TOM1L2: variants seen among roughly 807,000 people sequenced by gnomAD.
TOM1L2 encodes TOM1-like protein 2.
TOM1L2 carries 31 observed loss-of-function variants against 67.9 expected under a neutral mutation model. The observed-to-expected ratio is 0.46, with a 90% CI of 0.34 to 0.62. The LOEUF (loss-of-function observed/expected upper bound fraction) is 0.62. Among genes scored for constraint, TOM1L2 ranks in the 20% least tolerant of loss-of-function variants. The pLI, the probability that TOM1L2 is intolerant of heterozygous loss-of-function variation, is 0.01. For missense variants in TOM1L2, 606 were observed against 663.5 expected (o/e 0.91, Z 0.95); for synonymous variants, 256 against 254.0 (o/e 1.01, Z -0.07).
chr17:17,873,540 C>T (rs192237814), intron 7 of TOM1L2, among the ~76,000 whole-genome samples: 102 of 152,310 alleles, frequency 6.7e-4, no homozygotes, highest in Non-Finnish European at 1.2e-3. Flanking sequence ...TAGAGGAGAA[C>T]CAAACCAGAT....
At chr17:17,905,968 A>C (rs1036128099) in intron 2 of TOM1L2, among the ~76,000 whole-genome samples, 1 of 151,816 alleles carries the variant, frequency 6.6e-6, no homozygotes, top group African/African-American at 2.4e-5. Flanking sequence ...TTCCTCAAAC[A>C]CATCAGACAC....
chr17:17,946,549 T>C (rs1359086758), intron 1 of TOM1L2, among the ~76,000 whole-genome samples: 1 of 152,226 alleles, frequency 6.6e-6, no homozygotes, highest in Non-Finnish European at 1.5e-5. Context: ...GTTAGGTTTC[T>C]TTCCCATCTC....
intron 1 of TOM1L2, among the ~76,000 whole-genome samples, chr17:17,926,949 A>G (rs1353638930): frequency 6.6e-6 from 1 of 152,248 alleles, no homozygotes; most frequent in African/African-American, 2.4e-5. Context: ...CTGTTTATAC[A>G]ATATTCAGGG....
In TOM1L2 at chr17:17,879,661, C is replaced by A. The variant is rs752374687; in HGVS notation, c.743G>T (p.Gly248Val). Residue 248 changes from glycine (G) to valine (V), a missense_variant, in exon 7 of 15, where the codon GGA becomes GTA. Physicochemically the swap from Gly to Val is moderately radical, Grantham distance 109. Transcript: ENST00000379504. ...CTCCAGATCAGATGAATCCTCCTGT[C>A]CAGGGACCATTTCTGTTAACATCTC... ...MSEMLTEMVP[G>V]QEDSSDLELL... is the part of the protein sequence containing the mutation. The A allele has an allele frequency of 3.5e-5, 57 of 1,614,070 alleles. No individual in the cohort carries two copies. Among genetic ancestry groups the A allele is most frequent in the Non-Finnish European group, 4.6e-5 (54 of 1,180,032 alleles).
intron 12 of TOM1L2, among the ~76,000 whole-genome samples, chr17:17,861,194 C>T (rs1051067184): frequency 8.5e-5 from 13 of 152,316 alleles, no homozygotes; most frequent in African/African-American, 2.9e-4. Flanking sequence ...CCCCAGCTTG[C>T]TGTCTGCTCT....
At chr17:17,876,015 T>C (rs2037406367) in intron 7 of TOM1L2, among the ~76,000 whole-genome samples, 1 of 152,218 alleles carries the variant, frequency 6.6e-6, no homozygotes, top group Admixed American at 6.5e-5. Context: ...TCTGTTATTA[T>C]CTTATGCTGA....
chr17:17,937,902 T>A (rs1005143724), intron 1 of TOM1L2, among the ~76,000 whole-genome samples: 4 of 152,200 alleles, frequency 2.6e-5, no homozygotes, highest in African/African-American at 4.8e-5. Flanking sequence ...GTCTCCTTCA[T>A]GTCTCACCAG....
At chr17:17,893,945 G>T in intron 3 of TOM1L2, 135 bp from the exon 4 acceptor site, 1 of 811,228 alleles carries the variant, frequency 1.2e-6, no homozygotes, top group Non-Finnish European at 1.9e-6. Flanking sequence ...GTCTCCTCCA[G>T]AGCCAAACCT....
chr17:17,927,418 C>G (rs1193745908), intron 1 of TOM1L2, among the ~76,000 whole-genome samples: 2 of 152,166 alleles, frequency 1.3e-5, no homozygotes, highest in Admixed American at 1.3e-4. Context: ...TTCTTTCCCT[C>G]CATCTCTTTC....
intron 7 of TOM1L2, among the ~76,000 whole-genome samples, chr17:17,876,437 G>A (rs2143958329): frequency 6.6e-6 from 1 of 152,328 alleles, no homozygotes; most frequent in Middle Eastern, 3.4e-3. Flanking sequence ...ACTGTGCAGT[G>A]GGTGGGGCTT....
At chr17:17,866,623 G>A (rs1308312144) in intron 9 of TOM1L2, among the ~76,000 whole-genome samples, 4 of 152,136 alleles carry the variant, frequency 2.6e-5, no homozygotes, top group South Asian at 2.1e-4. Context: ...CCTCCTCCCC[G>A]TCCCCACTAG....
At chr17:17,921,071 G>A (rs1376912273) in intron 1 of TOM1L2, among the ~76,000 whole-genome samples, 3 of 152,106 alleles carry the variant, frequency 2.0e-5, no homozygotes, top group Non-Finnish European at 2.9e-5. Context: ...CTCATGATCC[G>A]ATCCAGAATA....
intron 4 of TOM1L2, among the ~76,000 whole-genome samples, chr17:17,893,123 G>T (rs143313370): frequency 4.6e-5 from 7 of 152,332 alleles, no homozygotes; most frequent in Admixed American, 1.3e-4. Flanking sequence ...ACCCAAATAT[G>T]CCAACTGCTC....
intron 1 of TOM1L2, among the ~76,000 whole-genome samples, chr17:17,971,129 C>T (rs2042058420): frequency 6.6e-6 from 1 of 152,136 alleles, no homozygotes; most frequent in South Asian, 2.1e-4. Flanking sequence ...TGCTGAGTAC[C>T]ATTCTCTCTA....
intron 1 of TOM1L2, among the ~76,000 whole-genome samples, chr17:17,909,143 T>C (rs1271245091): frequency 6.6e-6 from 1 of 152,182 alleles, no homozygotes; most frequent in African/African-American, 2.4e-5. Flanking sequence ...TTCATGTCAC[T>C]GCATTCCAAC....
At chr17:17,874,042 G>A (rs367792902) in intron 7 of TOM1L2, among the ~76,000 whole-genome samples, 213 of 151,292 alleles carry the variant, frequency 1.4e-3, no homozygotes, top group African/African-American at 4.8e-3. Context: ...TGCAAGCTCC[G>A]CCTCCCGGGT....
intron 1 of TOM1L2, among the ~76,000 whole-genome samples, chr17:17,939,361 G>A (rs1016142580): frequency 7.9e-5 from 12 of 152,194 alleles, no homozygotes; most frequent in Non-Finnish European, 1.5e-4. Context: ...GACCTTAGCA[G>A]ATTCTATTCA....
chr17:17,902,444 G>A (rs1203821373), intron 2 of TOM1L2, among the ~76,000 whole-genome samples: 1 of 152,250 alleles, frequency 6.6e-6, no homozygotes, highest in African/African-American at 2.4e-5. Context: ...GCGGCCAGGT[G>A]AGCCTGTGCT....
intron 1 of TOM1L2, among the ~76,000 whole-genome samples, chr17:17,943,708 C>T (rs1478431540): frequency 6.6e-6 from 1 of 152,156 alleles, no homozygotes; most frequent in Non-Finnish European, 1.5e-5. Flanking sequence ...AATCTGATCT[C>T]ATCTTCCCCC....
Sources: gnomAD v4.1 joint callset for allele counts (sites outside exome capture counted in the v4.1 genomes callset) on GRCh38, gnomAD v4.1.1 for gene constraint, MANE v1.5 for transcripts, NCBI Gene and HGNC (gene_info 2026-07-23, HGNC 2026-07-21) for gene names.